The following CORO7 variants were observed in gnomAD, a reference collection of about 807,000 sequenced individuals.
CORO7 encodes the protein coronin 7.
CORO7 carries 107 observed loss-of-function variants against 126.6 expected under a neutral mutation model. The observed-to-expected ratio is 0.85, with a 90% CI of 0.72 to 0.99. The LOEUF is 0.99. Among genes scored for constraint, CORO7 ranks in the 50% least tolerant of loss-of-function variants. CORO7 has a pLI of 0.00. For synonymous variants in CORO7, 603 were observed against 536.8 expected (o/e 1.12, Z -1.70); for missense variants, 1,314 against 1,255.8 (o/e 1.05, Z -0.70).
chr16:4,383,193 G>A (rs549035207), intron 9 of CORO7: 2 of 383,880 alleles, frequency 5.2e-6, no homozygotes, highest in African/African-American at 2.1e-5. Context: ...GCCATGTGCT[G>A]GTAACGCATG....
chr16:4,368,084 C>T (rs1351571685), intron 9 of CORO7, among the ~76,000 whole-genome samples: 3 of 152,084 alleles, frequency 2.0e-5, no homozygotes, highest in East Asian at 1.9e-4. Context: ...TGCTGGCTCA[C>T]GCCTGTAATC....
chr16:4,399,768 G>A (rs1212341510), intron 6 of CORO7, among the ~76,000 whole-genome samples: 1 of 152,094 alleles, frequency 6.6e-6, no homozygotes, highest in Admixed American at 6.6e-5. Context: ...GCACGTGCTA[G>A]TAGTCCCAGC....
chr16:4,395,411 T>TCACCTCCCAACCCCC, intron 6 of CORO7, 72 bp from the exon 7 acceptor site: 1 of 1,599,602 alleles, frequency 6.3e-7, no homozygotes, highest in South Asian at 1.1e-5. Context: ...CCTGCTCCCC[T>TCACCTCCCAACCCCC]CACCTCCCAA....
In CORO7 at chr16:4,368,291, G is replaced by A. The variant is rs539186498; in HGVS notation, c.786-2746C>T. Among the ~76,000 whole-genome samples, 11 of 152,270 alleles carry A rather than the reference G, an allele frequency of 7.2e-5. No homozygotes were observed. In the South Asian group the frequency reaches 2.1e-3, roughly 29 times the overall value. On this transcript the variant is annotated intron_variant, in intron 9 of 27. Coordinates refer to ENST00000251166, the MANE Select transcript of CORO7 (RefSeq NM_024535.5). ...GAACCCGGCAGGTGGAGTTTGCAGT[G>A]AGCCGAGATGGCACCAATGCATTCC...
chr16:4,358,942 A>AT (rs1419159867), intron 23 of CORO7: 1 of 326,938 alleles, frequency 3.1e-6, no homozygotes, highest in Non-Finnish European at 5.6e-6. Flanking sequence ...ATCTAGTGCA[A>AT]TTTTTTGTTT....
At chr16:4,395,600 G>A (rs1029624258) in intron 6 of CORO7, among the ~76,000 whole-genome samples, 1 of 152,308 alleles carries the variant, frequency 6.6e-6, no homozygotes, top group South Asian at 2.1e-4. Flanking sequence ...TCAGCTTCCT[G>A]AGACCTGCTC....
intron 7 of CORO7, among the ~76,000 whole-genome samples, chr16:4,392,270 G>A (rs2055419890): frequency 3.3e-5 from 5 of 152,118 alleles, no homozygotes. Flanking sequence ...GGCGGCAGTG[G>A]GGGTCCTGGG....
chr16:4,357,043 G>T, intron 26 of CORO7, 125 bp downstream of exon 26: 1 of 1,270,644 alleles, frequency 7.9e-7, no homozygotes, highest in Non-Finnish European at 1.1e-6. Context: ...CCAGGCTCTG[G>T]TGTGAAGGGG....
In CORO7 at chr16:4,408,248, A is replaced by G. The variant is rs2056081594; in HGVS notation, c.236T>C (p.Leu79Pro). The change falls in exon 4 of 28, where the codon CTA becomes CCA. Residue 79 changes from leucine to proline, a missense_variant. Physicochemically the swap from Leu to Pro is moderately conservative, Grantham distance 98. Transcript: ENST00000251166. ...GGGCGAGAAGTCCAAGTCGGTGACT[A>G]GGTCTGTGGGAGAGGAATGGCTGAA... is the stretch of plus-strand genomic sequence containing the variant. The part of the protein sequence containing the change: ...RVAHLGCHSD[L>P]VTDLDFSPFD... The G allele has an allele frequency of 2.5e-6, 4 of 1,614,096 alleles. No homozygotes were observed. In the South Asian group the frequency reaches 4.4e-5, roughly 18 times the overall value.
chr16:4,399,438 T>C (rs2055721821), intron 6 of CORO7, among the ~76,000 whole-genome samples: 1 of 152,144 alleles, frequency 6.6e-6, no homozygotes, highest in Non-Finnish European at 1.5e-5. Flanking sequence ...AGTCAAATTA[T>C]AGACACAGAA....
chr16:4,364,542 C>G (rs115209306), intron 13 of CORO7, 55 bp downstream of exon 13: 2 of 1,522,856 alleles, frequency 1.3e-6, no homozygotes, highest in Non-Finnish European at 1.8e-6. Context: ...CACAGCCACA[C>G]GGGGCTACCA....
rs773220704 is a variant in CORO7, at chr16:4,364,946, G to A, written c.899-26C>T. 1.5e-5 allele frequency: 24 copies of A among 1,607,708 alleles called. 1 individual carries two copies. The South Asian group carries it at 2.3e-4, about 16-fold the overall frequency. ...CTGTTGAGGACACCATAGGGGAACAGGCAGGATGGGCAGGGGAGGGGAGGG... is the reference window on the plus strand; with the variant it reads ...CTGTTGAGGACACCATAGGGGAACAAGCAGGATGGGCAGGGGAGGGGAGGG... On this transcript the variant is annotated intron_variant, in intron 11 of 27. Coordinates refer to ENST00000251166, the MANE Select transcript of CORO7 (RefSeq NM_024535.5).
chr16:4,408,073 G>A, intron 4 of CORO7, 108 bp downstream of exon 4: 4 of 1,526,382 alleles, frequency 2.6e-6, no homozygotes, highest in Non-Finnish European at 3.6e-6. Context: ...GAGTGGGGTG[G>A]GGCTGGACTG....
chr16:4,411,794 G>A (rs1472071453), intron 3 of CORO7, among the ~76,000 whole-genome samples: 1 of 152,026 alleles, frequency 6.6e-6, no homozygotes, highest in African/African-American at 2.4e-5. Context: ...GCTGGACAGT[G>A]AGAGGCGAGG....
At chr16:4,398,002 A>G (rs1291698) in intron 6 of CORO7, among the ~76,000 whole-genome samples, 1 of 151,780 alleles carries the variant, frequency 6.6e-6, no homozygotes, top group Admixed American at 6.6e-5. Context: ...CTGCAAATCA[A>G]CCTCCTGGAC....
intron 6 of CORO7, among the ~76,000 whole-genome samples, chr16:4,401,087 CA>C (rs2055785664): frequency 6.6e-6 from 1 of 152,192 alleles, no homozygotes; most frequent in South Asian, 2.1e-4. Flanking sequence ...CTGCTACTAC[CA>C]AGTTCCAGGC....
At chr16:4,365,205 G>A (rs922964666) in intron 10 of CORO7, 145 bp from the exon 11 acceptor site, 21 of 1,332,252 alleles carry the variant, frequency 1.6e-5, no homozygotes, top group East Asian at 2.5e-5. Context: ...CATGCTGGGC[G>A]CTGAGCTGAG....
intron 9 of CORO7, among the ~76,000 whole-genome samples, chr16:4,367,953 C>T (rs1208490499): frequency 6.6e-6 from 1 of 152,166 alleles, no homozygotes; most frequent in Non-Finnish European, 1.5e-5. Flanking sequence ...CCAGCCAGCA[C>T]TTTGGGAGGC....
intron 1 of CORO7, chr16:4,415,636 G>T: frequency 1.1e-6 from 1 of 877,372 alleles, no homozygotes; most frequent in Non-Finnish European, 1.4e-6. Context: ...AGACTGCCCT[G>T]ACTTGCTCTG....
Sources: allele counts gnomAD v4.1 joint callset (sites outside exome capture counted in the v4.1 genomes callset), GRCh38; gene constraint gnomAD v4.1.1; transcripts MANE v1.5; gene names NCBI Gene and HGNC (gene_info 2026-07-23, HGNC 2026-07-21).